Variants in AGBL4 observed in about 807,000 individuals in gnomAD.
The protein encoded by AGBL4 is AGBL carboxypeptidase 4.
Under a neutral mutation model 66.4 loss-of-function variants are expected in AGBL4, and 58 were observed. The observed-to-expected ratio is 0.87, with a 90% CI of 0.71 to 1.09. The LOEUF is 1.09. Ranked by LOEUF, AGBL4 falls within the 50% of genes least tolerant of loss-of-function variation. The pLI, the probability that AGBL4 is intolerant of heterozygous loss-of-function variation, is 0.00. For synonymous variants in AGBL4, 234 were observed against 222.9 expected (o/e 1.05, Z -0.44); for missense variants, 579 against 631.0 (o/e 0.92, Z 0.88).
rs150439332 is a variant in AGBL4, at chr1:48,784,923, C to T, written c.634+82268G>A. ...GTCACAAAGAACCAACATTTGAATTCGTTTTGAAAAAGAAATGAAAAGATT... is the reference window on the plus strand; with the variant it reads ...GTCACAAAGAACCAACATTTGAATTTGTTTTGAAAAAGAAATGAAAAGATT... On this transcript the variant is annotated intron_variant, in intron 6 of 13. Coordinates refer to ENST00000371839, the MANE Select transcript of AGBL4 (RefSeq NM_032785.4). Among the ~76,000 whole-genome samples, 330 of 152,288 alleles carry T rather than the reference C, an allele frequency of 2.2e-3. 1 individual carries two copies. The highest frequency in any genetic ancestry group is 7.7e-3 in the African/African-American group (321 of 41,566).
chr1:49,681,033 T>C (rs567704379), intron 3 of AGBL4, among the ~76,000 whole-genome samples: 9 of 152,286 alleles, frequency 5.9e-5, no homozygotes, highest in African/African-American at 1.9e-4. Context: ...CTTTCATTTA[T>C]TGTATTTTCC....
intron 1 of AGBL4, among the ~76,000 whole-genome samples, chr1:49,952,667 G>C (rs893944650): frequency 2.0e-5 from 3 of 151,886 alleles, no homozygotes; most frequent in African/African-American, 7.2e-5. Flanking sequence ...AAACAGGATA[G>C]GCAAAACCCA....
intron 4 of AGBL4, among the ~76,000 whole-genome samples, chr1:49,183,906 A>G (rs1490738726): frequency 6.6e-6 from 1 of 152,178 alleles, no homozygotes; most frequent in Admixed American, 6.5e-5. Context: ...TTTGACAGAT[A>G]TAAGACCTGA....
intron 6 of AGBL4, among the ~76,000 whole-genome samples, chr1:48,840,671 T>C (rs1047865448): frequency 6.6e-6 from 1 of 152,202 alleles, no homozygotes; most frequent in African/African-American, 2.4e-5. Context: ...ATCTCAAATA[T>C]TGCTGCTAGG....
At chr1:49,093,306 A>G (rs1174310429) in intron 4 of AGBL4, among the ~76,000 whole-genome samples, 1 of 152,156 alleles carries the variant, frequency 6.6e-6, no homozygotes, top group East Asian at 1.9e-4. Flanking sequence ...AACACAACGC[A>G]TCTTGAAAGT....
chr1:48,694,187 G>A (rs141925685), intron 6 of AGBL4, among the ~76,000 whole-genome samples: 126 of 152,126 alleles, frequency 8.3e-4, no homozygotes, highest in Non-Finnish European at 1.2e-3. Context: ...ACAAACGAGC[G>A]TACCTCACCC....
At chr1:49,490,802 C>A (rs1647171524) in intron 3 of AGBL4, among the ~76,000 whole-genome samples, 1 of 151,590 alleles carries the variant, frequency 6.6e-6, no homozygotes, top group Admixed American at 6.6e-5. Context: ...ATACTTCTTG[C>A]AAGTTTATTT....
At chr1:48,587,260 CT>C (rs1644837881) in intron 10 of AGBL4, 94 bp from the exon 11 acceptor site, 1 of 1,288,092 alleles carries the variant, frequency 7.8e-7, no homozygotes, top group Non-Finnish European at 1.1e-6. Context: ...CTCAGCTTCA[CT>C]GTCTGAAGAG....
chr1:49,130,637 T>C (rs1443267934), intron 4 of AGBL4, among the ~76,000 whole-genome samples: 6 of 152,030 alleles, frequency 3.9e-5, no homozygotes, highest in Non-Finnish European at 1.5e-5. Context: ...TATGCGGCAT[T>C]ATTTCTGAGG....
chr1:49,374,773 T>C (rs1644437302), intron 3 of AGBL4, among the ~76,000 whole-genome samples: 1 of 152,190 alleles, frequency 6.6e-6, no homozygotes, highest in Admixed American at 6.6e-5. Context: ...AAACAGGCTA[T>C]GTCACTAACC....
intron 1 of AGBL4, among the ~76,000 whole-genome samples, chr1:49,890,190 T>A (rs1202965056): frequency 6.6e-6 from 1 of 152,044 alleles, no homozygotes; most frequent in African/African-American, 2.4e-5. Context: ...TAAGAAAAAA[T>A]TGAGGCTTAA....
At position 48,787,328 on chromosome 1, in the gene AGBL4, G is replaced by A. The variant is rs1296259206; in HGVS notation, c.634+79863C>T. Among the ~76,000 whole-genome samples, 4 of 152,090 alleles carry A rather than the reference G, an allele frequency of 2.6e-5. No homozygotes were observed. In the East Asian group the frequency reaches 5.8e-4, roughly 22 times the overall value. On this transcript the variant is annotated intron_variant, in intron 6 of 13. Coordinates refer to ENST00000371839, the MANE Select transcript of AGBL4 (RefSeq NM_032785.4). ...GTCCAGATGACCCCTATTGGTCCAG[G>A]TGAGATCCTGACAGGCACTATCATC...
chr1:49,331,969 G>A (rs950565109), intron 3 of AGBL4, among the ~76,000 whole-genome samples: 4 of 152,204 alleles, frequency 2.6e-5, no homozygotes, highest in Non-Finnish European at 5.9e-5. Flanking sequence ...CTGTTTGGGC[G>A]ACTCAGCCAT....
chr1:48,714,334 C>T (rs899011629), intron 6 of AGBL4, among the ~76,000 whole-genome samples: 1 of 152,186 alleles, frequency 6.6e-6, no homozygotes, highest in African/African-American at 2.4e-5. Context: ...GACAAATCTT[C>T]AGTCCCCTCC....
At chr1:49,172,525 T>C (rs1646757185) in intron 4 of AGBL4, among the ~76,000 whole-genome samples, 1 of 152,150 alleles carries the variant, frequency 6.6e-6, no homozygotes. Context: ...TTTGTTAATT[T>C]GACAGGGACT....
chr1:49,383,516 G>C (rs1278565060), intron 3 of AGBL4, among the ~76,000 whole-genome samples: 1 of 152,080 alleles, frequency 6.6e-6, no homozygotes, highest in Admixed American at 6.6e-5. Context: ...AACTGGCTTT[G>C]ACATGAGTGT....
intron 6 of AGBL4, among the ~76,000 whole-genome samples, chr1:48,783,979 C>CTGAAAA (rs1229757411): frequency 4.9e-4 from 74 of 152,232 alleles, no homozygotes; most frequent in African/African-American, 1.7e-3. Flanking sequence ...ATGATTTCTT[C>CTGAAAA]ATCTGAAAAA....
intron 11 of AGBL4, among the ~76,000 whole-genome samples, chr1:48,550,077 G>C (rs1054317467): frequency 6.6e-6 from 1 of 152,182 alleles, no homozygotes. Flanking sequence ...CACGGAGGAT[G>C]CTGGAGATGA....
chr1:48,681,452 C>CATTTG lies in AGBL4; in HGVS notation c.635-18212_635-18211insCAAAT, dbSNP rs1475019310. On this transcript the variant is annotated intron_variant, in intron 6 of 13. Coordinates refer to ENST00000371839, the MANE Select transcript of AGBL4 (RefSeq NM_032785.4). ...AGCATCAGCCTCAAATGCTCCTGCC[C>CATTTG]ATCAGGGAGGATTACTGGGGTGAGG... is the stretch of plus-strand genomic sequence containing the variant. Among the ~76,000 whole-genome samples, 16 of 152,154 alleles carry CATTTG rather than the reference C, an allele frequency of 1.1e-4. 1 individual carries two copies. The highest frequency in any genetic ancestry group is 2.4e-4 in the Non-Finnish European group (16 of 68,028).
Sources: gnomAD v4.1 joint callset for allele counts (sites outside exome capture counted in the v4.1 genomes callset) on GRCh38, gnomAD v4.1.1 for gene constraint, MANE v1.5 for transcripts, NCBI Gene and HGNC (gene_info 2026-07-23, HGNC 2026-07-21) for gene names.